The following LSAMP variants were observed in gnomAD, a reference collection of about 807,000 sequenced individuals.
LSAMP encodes the protein limbic system-associated membrane protein.
Under a neutral mutation model 38.6 loss-of-function variants are expected in LSAMP, and 7 were observed. The ratio of observed to expected loss-of-function variants is 0.18; its 90% CI spans 0.10 to 0.34. The LOEUF is 0.34. Ranked by LOEUF, LSAMP falls within the 10% of genes least tolerant of loss-of-function variation. The pLI, the probability that LSAMP is intolerant of heterozygous loss-of-function variation, is 1.00. For missense variants in LSAMP, 313 were observed against 420.0 expected, an observed-to-expected ratio of 0.75 and a Z score of 2.23; for synonymous variants, 154 against 166.8, an observed-to-expected ratio of 0.92 and a Z score of 0.59.
intron 1 of LSAMP, among the ~76,000 whole-genome samples, chr3:116,376,090 A>G (rs1214128457): frequency 6.6e-6 from 1 of 152,072 alleles, no homozygotes; most frequent in Admixed American, 6.6e-5. Flanking sequence ...ATAATTATTC[A>G]GAATAATGTC....
chr3:115,911,204 A>G (rs1937126021), intron 3 of LSAMP, among the ~76,000 whole-genome samples: 1 of 152,220 alleles, frequency 6.6e-6, no homozygotes, highest in Admixed American at 6.5e-5. Flanking sequence ...AATGACAGCT[A>G]TAGTAAAAAT....
chr3:115,879,356 A>G (rs200379353), intron 3 of LSAMP, among the ~76,000 whole-genome samples: 2 of 152,164 alleles, frequency 1.3e-5, no homozygotes, highest in Admixed American at 6.5e-5. Flanking sequence ...CCAAAGATAA[A>G]GTTTAAACTT....
chr3:116,233,290 G>A (rs1177772792), intron 1 of LSAMP, among the ~76,000 whole-genome samples: 4 of 151,580 alleles, frequency 2.6e-5, no homozygotes, highest in Non-Finnish European at 5.9e-5. Context: ...GTTGGCGCCT[G>A]TAGTCCCAGC....
intron 1 of LSAMP, among the ~76,000 whole-genome samples, chr3:116,265,130 G>A (rs1270956899): frequency 6.6e-6 from 1 of 151,986 alleles, no homozygotes; most frequent in Non-Finnish European, 1.5e-5. Flanking sequence ...AGGGTTTTAG[G>A]AGCTCAGTGC....
chr3:116,289,673 T>A (rs982779586), intron 1 of LSAMP, among the ~76,000 whole-genome samples: 1 of 152,108 alleles, frequency 6.6e-6, no homozygotes, highest in Non-Finnish European at 1.5e-5. Context: ...TAAGATCCTA[T>A]AAGTGAAATA....
chr3:116,369,190 A>C (rs2048397181), intron 1 of LSAMP, among the ~76,000 whole-genome samples: 1 of 152,176 alleles, frequency 6.6e-6, no homozygotes, highest in Non-Finnish European at 1.5e-5. Flanking sequence ...TAGGGGTTGT[A>C]AGGAATACAA....
intron 6 of LSAMP, among the ~76,000 whole-genome samples, chr3:115,828,230 G>C (rs1020429887): frequency 2.6e-5 from 4 of 152,156 alleles, no homozygotes; most frequent in Non-Finnish European, 5.9e-5. Context: ...AAGGAGCCAA[G>C]GAACAGGTTA....
intron 1 of LSAMP, among the ~76,000 whole-genome samples, chr3:116,403,640 G>A (rs1196318133): frequency 2.0e-5 from 3 of 152,064 alleles, no homozygotes; most frequent in Non-Finnish European, 4.4e-5. Context: ...AAATACATAT[G>A]GGTTTATTAT....
At chr3:116,059,417 A>G (rs368151467) in intron 2 of LSAMP, among the ~76,000 whole-genome samples, 1 of 152,206 alleles carries the variant, frequency 6.6e-6, no homozygotes, top group African/African-American at 2.4e-5. Context: ...TTGCTTATCA[A>G]GTTGGAAGAG....
chr3:116,270,163 T>TATATGAAACATGTCCTA (rs2046952441), intron 1 of LSAMP, among the ~76,000 whole-genome samples: 1 of 152,156 alleles, frequency 6.6e-6, no homozygotes, highest in Non-Finnish European at 1.5e-5. Context: ...GTCAGATTTT[T>TATATGAAACATGTCCTA]ATATGAAACA....
chr3:116,298,275 G>A (rs1177195901), intron 1 of LSAMP, among the ~76,000 whole-genome samples: 1 of 152,206 alleles, frequency 6.6e-6, no homozygotes, highest in Non-Finnish European at 1.5e-5. Context: ...ACGGACAGAA[G>A]GGAGAGACCC....
chr3:116,113,420 A>ATATTTTTT (rs1553705042), intron 1 of LSAMP, among the ~76,000 whole-genome samples: 14 of 51,030 alleles, frequency 2.7e-4, no homozygotes, highest in Admixed American at 7.1e-4. Flanking sequence ...ATATATATAT[A>ATATTTTTT]TTTTTTTTTT....
intron 1 of LSAMP, among the ~76,000 whole-genome samples, chr3:116,332,483 T>A (rs908735269): frequency 6.6e-6 from 1 of 152,034 alleles, no homozygotes; most frequent in African/African-American, 2.4e-5. Context: ...AAATATTCTA[T>A]AGAATATGCA....
chr3:116,123,739 G>T (rs1708940716), intron 1 of LSAMP, among the ~76,000 whole-genome samples: 1 of 152,180 alleles, frequency 6.6e-6, no homozygotes, highest in African/African-American at 2.4e-5. Flanking sequence ...TAACACGGTA[G>T]ATATTAATCA....
At chr3:116,350,804 C>G (rs1458611761) in intron 1 of LSAMP, among the ~76,000 whole-genome samples, 1 of 151,904 alleles carries the variant, frequency 6.6e-6, no homozygotes, top group Non-Finnish European at 1.5e-5. Flanking sequence ...AAGAAAAAAT[C>G]TTCTATCCGT....
At chr3:115,891,147 T>G (rs1260356595) in intron 3 of LSAMP, among the ~76,000 whole-genome samples, 1 of 151,972 alleles carries the variant, frequency 6.6e-6, no homozygotes. Flanking sequence ...GCAGATTTAC[T>G]GGATACCTCA....
intron 6 of LSAMP, among the ~76,000 whole-genome samples, chr3:115,830,521 G>A (rs987807789): frequency 6.6e-6 from 1 of 152,156 alleles, no homozygotes; most frequent in Non-Finnish European, 1.5e-5. Context: ...AAAGGTGCAC[G>A]TTTCTTTCTT....
intron 3 of LSAMP, among the ~76,000 whole-genome samples, chr3:115,932,647 C>T (rs907670760): frequency 6.6e-6 from 1 of 152,084 alleles, no homozygotes; most frequent in Non-Finnish European, 1.5e-5. Flanking sequence ...ATAAAGTAGT[C>T]AATTTGAAGG....
chr3:116,200,424 T>C (rs886457705), intron 1 of LSAMP, among the ~76,000 whole-genome samples: 4 of 152,218 alleles, frequency 2.6e-5, no homozygotes, highest in Admixed American at 6.5e-5. Context: ...CTATCTGTTT[T>C]CCTAATAACA....
Sources: allele counts gnomAD v4.1 joint callset (sites outside exome capture counted in the v4.1 genomes callset), GRCh38; gene constraint gnomAD v4.1.1; transcripts MANE v1.5; gene names NCBI Gene and HGNC (gene_info 2026-07-23, HGNC 2026-07-21).